LHFPL2: variants seen among roughly 807,000 people sequenced by gnomAD.
The protein encoded by LHFPL2 is LHFPL tetraspan subfamily member 2 protein.
Under a neutral mutation model 17.5 loss-of-function variants are expected in LHFPL2, and 7 were observed. That is an observed-to-expected ratio of 0.40 (90% CI 0.23 to 0.75). The LOEUF is 0.75. LHFPL2 is among the 30% of genes least tolerant of loss of function. The pLI is 0.37. For missense variants in LHFPL2, 241 were observed against 294.8 expected (o/e 0.82, Z 1.34); for synonymous variants, 134 against 116.2 (o/e 1.15, Z -0.99).
At chr5:78,498,226 G>A (rs936584323) in intron 4 of LHFPL2, among the ~76,000 whole-genome samples, 1 of 152,140 alleles carries the variant, frequency 6.6e-6, no homozygotes, top group African/African-American at 2.4e-5. Flanking sequence ...CCAGGAAAAC[G>A]CCCACTCCTC....
At chr5:78,632,521 C>T (rs555082611) in intron 1 of LHFPL2, among the ~76,000 whole-genome samples, 153 bp from the exon 2 acceptor site, 1 of 152,354 alleles carries the variant, frequency 6.6e-6, no homozygotes, top group Admixed American at 6.5e-5. Flanking sequence ...CTGGATCAAA[C>T]AGACCTAGGT....
chr5:78,591,725 A>T (rs932849897), intron 2 of LHFPL2, among the ~76,000 whole-genome samples: 52 of 152,266 alleles, frequency 3.4e-4, no homozygotes, highest in African/African-American at 1.2e-3. Context: ...GTTAAAACCA[A>T]CTCTGGTACA....
At chr5:78,567,123 T>G (rs1254457901) in intron 2 of LHFPL2, among the ~76,000 whole-genome samples, 1 of 152,216 alleles carries the variant, frequency 6.6e-6, no homozygotes, top group Non-Finnish European at 1.5e-5. Flanking sequence ...AAGGCAGAAT[T>G]GTATCCCAGT....
At chr5:78,618,689 CTA>C (rs1561367804) in intron 2 of LHFPL2, among the ~76,000 whole-genome samples, 2 of 152,186 alleles carry the variant, frequency 1.3e-5, no homozygotes, top group Non-Finnish European at 2.9e-5. Context: ...TTCGTCATCT[CTA>C]TTGGTCAGGG....
chr5:78,611,486 G>C (rs114425972), intron 2 of LHFPL2, among the ~76,000 whole-genome samples: 1 of 152,138 alleles, frequency 6.6e-6, no homozygotes, highest in African/African-American at 2.4e-5. Context: ...CTCAGCCCCT[G>C]GCCCCAGGAA....
chr5:78,498,860 G>A (rs1464920795), intron 4 of LHFPL2, among the ~76,000 whole-genome samples: 2 of 152,210 alleles, frequency 1.3e-5, no homozygotes, highest in Middle Eastern at 6.3e-3. Context: ...AAGTCTTACT[G>A]TGACATAGAT....
rs1462925083 is a variant in LHFPL2 at position 78,485,620 on chromosome 5, G to A, written c.*3277C>T. ...TATTGCACAGAGAGGTCTGTTCTAAGCCAGACTCTTACAGCTAAGGAGGTG... is the reference window on the plus strand; with the variant it reads ...TATTGCACAGAGAGGTCTGTTCTAAACCAGACTCTTACAGCTAAGGAGGTG... On this transcript the variant is annotated 3_prime_UTR_variant, in exon 5 of 5. Transcript: ENST00000380345. The A allele has an allele frequency of 6.6e-6, 1 of 152,612 alleles. No homozygotes were observed. Among genetic ancestry groups the A allele is most frequent in the Non-Finnish European group, 1.5e-5 (1 of 68,048 alleles). The allele number at this position is 152,612 out of a possible 1,614,324, so 9.5% of individuals were successfully genotyped here.
At chr5:78,552,137 T>A (rs1327529621) in intron 3 of LHFPL2, among the ~76,000 whole-genome samples, 1 of 56,894 alleles carries the variant, frequency 1.8e-5, no homozygotes, top group Non-Finnish European at 5.2e-5. Flanking sequence ...GTCAGTGATT[T>A]TTTTTTTTTT....
intron 4 of LHFPL2, among the ~76,000 whole-genome samples, chr5:78,495,317 C>T (rs1754571761): frequency 6.6e-6 from 1 of 152,180 alleles, no homozygotes; most frequent in South Asian, 2.1e-4. Context: ...ATGATTACTA[C>T]CCTCCTTCAC....
In LHFPL2 at chr5:78,486,390, ATTAGAAAAAT is replaced by A; in HGVS notation, c.*2497_*2506del. The A allele has an allele frequency of 6.6e-6, 1 of 152,230 alleles. No individual in the cohort carries two copies. The highest frequency in any genetic ancestry group is 2.4e-5 in the African/African-American group (1 of 41,460). The allele number at this position is 152,230 out of a possible 1,614,324, so 9.4% of individuals were successfully genotyped here. A position where few individuals can be genotyped will look rare whatever the true frequency, so the allele number is the denominator to read the frequency against. On this transcript the variant is annotated 3_prime_UTR_variant, in exon 5 of 5. Coordinates refer to ENST00000380345, the MANE Select transcript of LHFPL2 (RefSeq NM_005779.3). ...CCTGGTAGTAATAATGGTCCTATTT[ATTAGAAAAAT>A]AAGTGTGAGCCAACAATCTATTTTT...
intron 4 of LHFPL2, among the ~76,000 whole-genome samples, chr5:78,500,049 C>G (rs1754727643): frequency 6.7e-6 from 1 of 149,936 alleles, no homozygotes; most frequent in Non-Finnish European, 1.5e-5. Context: ...GCAGTATAAT[C>G]AACTGACGAC....
At chr5:78,501,266 T>C (rs972181397) in intron 4 of LHFPL2, among the ~76,000 whole-genome samples, 17 of 152,232 alleles carry the variant, frequency 1.1e-4, no homozygotes, top group African/African-American at 4.1e-4. Flanking sequence ...AAGGATGTAA[T>C]TGGAAAATAA....
At chr5:78,614,498 C>A (rs1167402956) in intron 2 of LHFPL2, among the ~76,000 whole-genome samples, 1 of 152,228 alleles carries the variant, frequency 6.6e-6, no homozygotes, top group African/African-American at 2.4e-5. Flanking sequence ...CAAACTGATA[C>A]AAGTGGTTCT....
At chr5:78,501,406 A>C (rs1331218952) in intron 4 of LHFPL2, among the ~76,000 whole-genome samples, 1 of 152,180 alleles carries the variant, frequency 6.6e-6, no homozygotes, top group African/African-American at 2.4e-5. Flanking sequence ...AAAGGAAGCA[A>C]CTTCTGGCTG....
intron 3 of LHFPL2, among the ~76,000 whole-genome samples, chr5:78,525,210 C>T (rs1199584894): frequency 1.3e-5 from 2 of 152,194 alleles, no homozygotes; most frequent in African/African-American, 2.4e-5. Context: ...GACCCAGGGA[C>T]TGAGATGAGC....
Position 78,489,148 on chromosome 5 carries a change from A to G in LHFPL2, c.436T>C (p.Phe146Leu). 6.2e-7 allele frequency: 1 copy of G among 1,614,160 alleles called. No homozygotes were observed. The change falls in exon 5 of 5, where the codon TTC (phenylalanine) becomes CTC (leucine). Residue 146 changes from phenylalanine (F) to leucine (L), a missense_variant. Transcript: ENST00000380345. The stretch of plus-strand genomic sequence containing the variant: ...TAGAGTATCAAACCGAGGATAAGGA[A>G]TAGACCTGCAGAACAAAAGAGAAAA... The part of the protein sequence containing the change: ...CGLLQGIAGL[F>L]LILGLILYPA...
At chr5:78,610,583 A>G (rs1580855997) in intron 2 of LHFPL2, among the ~76,000 whole-genome samples, 1 of 152,326 alleles carries the variant, frequency 6.6e-6, no homozygotes, top group East Asian at 1.9e-4. Context: ...TCAAAAACCC[A>G]GGACACCAGC....
intron 3 of LHFPL2, among the ~76,000 whole-genome samples, chr5:78,514,399 C>T (rs1033871263): frequency 4.0e-5 from 6 of 151,306 alleles, no homozygotes; most frequent in South Asian, 2.1e-4. Flanking sequence ...CAGAAACCTA[C>T]ATTAATACCA....
At chr5:78,509,421 C>T (rs1755032671) in intron 4 of LHFPL2, among the ~76,000 whole-genome samples, 1 of 152,188 alleles carries the variant, frequency 6.6e-6, no homozygotes, top group Admixed American at 6.5e-5. Context: ...TCACGCTCTC[C>T]ATAATTCCTC....
Sources: allele counts gnomAD v4.1 joint callset (sites outside exome capture counted in the v4.1 genomes callset), GRCh38; gene constraint gnomAD v4.1.1; transcripts MANE v1.5; gene names NCBI Gene and HGNC (gene_info 2026-07-23, HGNC 2026-07-21).